The following CSMD3 variants were observed in gnomAD, a reference collection of about 807,000 sequenced individuals.
CSMD3 encodes the protein CUB and Sushi multiple domains 3, also known as CUB and sushi domain-containing protein 3.
CSMD3 carries 177 observed loss-of-function variants against 435.2 expected under a neutral mutation model. The observed-to-expected ratio is 0.41, with a 90% CI of 0.36 to 0.46. CSMD3 has a LOEUF of 0.46. Among genes scored for constraint, CSMD3 ranks in the 20% least tolerant of loss-of-function variants. The probability of loss-of-function intolerance (pLI) is 0.34; values close to 1 mark genes in which losing one functional copy is unlikely to be tolerated. For missense variants in CSMD3, 4,265 were observed against 4,504.6 expected (o/e 0.95, Z 1.52); for synonymous variants, 1,656 against 1,520.5 (o/e 1.09, Z -2.07).
chr8:113,321,736 A>G (rs904804130), intron 1 of CSMD3, among the ~76,000 whole-genome samples: 2 of 152,192 alleles, frequency 1.3e-5, no homozygotes. Context: ...CACATTGAGG[A>G]AACTCAGAGA....
At chr8:113,137,367 A>G (rs117621899) in intron 4 of CSMD3, among the ~76,000 whole-genome samples, 1 of 151,830 alleles carries the variant, frequency 6.6e-6, no homozygotes, top group Non-Finnish European at 1.5e-5. Context: ...TATTGAATTT[A>G]TATGTTTATA....
intron 4 of CSMD3, among the ~76,000 whole-genome samples, chr8:113,164,387 G>A (rs977458060): frequency 1.3e-5 from 2 of 150,180 alleles, no homozygotes; most frequent in African/African-American, 4.9e-5. Context: ...AGCAGTAAAT[G>A]GAAATTGCCT....
intron 3 of CSMD3, among the ~76,000 whole-genome samples, chr8:113,181,869 G>A (rs764963425): frequency 3.3e-5 from 5 of 151,850 alleles, no homozygotes; most frequent in Non-Finnish European, 7.4e-5. Flanking sequence ...AATATGAATA[G>A]GCTCTCCTCT....
At chr8:112,438,723 T>C (rs1052103775) in intron 32 of CSMD3, among the ~76,000 whole-genome samples, 26 of 152,314 alleles carry the variant, frequency 1.7e-4, no homozygotes, top group South Asian at 1.4e-3. Context: ...AATCATGTTA[T>C]CCATCTAGAT....
chr8:112,306,835 G>A (rs1821463752), intron 50 of CSMD3, among the ~76,000 whole-genome samples: 1 of 151,994 alleles, frequency 6.6e-6, no homozygotes, highest in Admixed American at 6.6e-5. Flanking sequence ...TAGATGTCTT[G>A]ATTTTTATCT....
At chr8:112,551,344 A>G (rs1490503321) in intron 26 of CSMD3, among the ~76,000 whole-genome samples, 1 of 152,084 alleles carries the variant, frequency 6.6e-6, no homozygotes, top group Non-Finnish European at 1.5e-5. Flanking sequence ...CAAAAATTGA[A>G]CTCAAGTTTT....
intron 59 of CSMD3, among the ~76,000 whole-genome samples, chr8:112,278,382 T>C (rs1818293703): frequency 6.6e-6 from 1 of 152,192 alleles, no homozygotes; most frequent in Non-Finnish European, 1.5e-5. Flanking sequence ...GTCAGAAGTA[T>C]TGAAAATTGA....
At chr8:112,735,900 A>G (rs558654583) in intron 13 of CSMD3, among the ~76,000 whole-genome samples, 1 of 152,138 alleles carries the variant, frequency 6.6e-6, no homozygotes, top group African/African-American at 2.4e-5. Flanking sequence ...AGTTCAATGT[A>G]AATTCTCATT....
intron 5 of CSMD3, among the ~76,000 whole-genome samples, chr8:113,048,576 A>G (rs546210562): frequency 6.6e-6 from 1 of 152,160 alleles, no homozygotes; most frequent in Non-Finnish European, 1.5e-5. Flanking sequence ...ATTAAAAAAG[A>G]AAGATTACAT....
At position 113,308,258 on chromosome 8, in the gene CSMD3, C is replaced by CTTTTTTTTT. The variant is rs11440584; in HGVS notation, c.401+6304_401+6312dup. On this transcript the variant is annotated intron_variant, in intron 2 of 70. Coordinates refer to ENST00000297405, the MANE Select transcript of CSMD3 (RefSeq NM_198123.2). ...TAAATATCCAGTAAATCATTTAAGT[C>CTTTTTTTTT]TTTTTTTTTTTTTTTTTTTTTTTTT... Among the ~76,000 whole-genome samples the CTTTTTTTTT allele has an allele frequency of 5.7e-4, 37 of 64,966 alleles. 10 individuals are homozygous for CTTTTTTTTT. The highest frequency in any genetic ancestry group is 2.0e-3 in the East Asian group (4 of 1,976). The allele number at this position is 64,966 out of a possible 152,430, so 42.6% of individuals were successfully genotyped here. A position where few individuals can be genotyped will look rare whatever the true frequency, so the allele number is the denominator to read the frequency against.
At chr8:112,700,416 G>T (rs573254401) in intron 13 of CSMD3, among the ~76,000 whole-genome samples, 1 of 152,160 alleles carries the variant, frequency 6.6e-6, no homozygotes, top group East Asian at 1.9e-4. Context: ...CTGGAAAATC[G>T]CTTGAACCCA....
chr8:112,727,794 A>G (rs1484443747), intron 13 of CSMD3, among the ~76,000 whole-genome samples: 2 of 151,876 alleles, frequency 1.3e-5, no homozygotes, highest in Non-Finnish European at 2.9e-5. Flanking sequence ...ATGAAGTGGA[A>G]CAGTAAAATA....
chr8:112,772,993 C>A (rs1025063330), intron 13 of CSMD3, among the ~76,000 whole-genome samples: 1 of 151,878 alleles, frequency 6.6e-6, no homozygotes, highest in East Asian at 1.9e-4. Flanking sequence ...ACTCAGAGGC[C>A]GGTCCCAGCA....
chr8:113,159,458 G>T (rs1332894235), intron 4 of CSMD3, among the ~76,000 whole-genome samples: 1 of 151,812 alleles, frequency 6.6e-6, no homozygotes, highest in East Asian at 1.9e-4. Flanking sequence ...AAAATTCAGA[G>T]TTGGGCCATT....
At chr8:112,311,893 A>G (rs7830812) in intron 49 of CSMD3, among the ~76,000 whole-genome samples, 3,981 of 152,244 alleles carry the variant, frequency 0.026, 69 homozygotes, top group Non-Finnish European at 0.04. Context: ...AATAGTAAGA[A>G]ACAAATTGGA....
chr8:112,561,911 A>C (rs1262721724), intron 24 of CSMD3, among the ~76,000 whole-genome samples: 1 of 151,690 alleles, frequency 6.6e-6, no homozygotes, highest in African/African-American at 2.4e-5. Flanking sequence ...ACACACAAAC[A>C]CATTGTATTC....
At chr8:112,952,421 C>T (rs1399590012) in intron 8 of CSMD3, among the ~76,000 whole-genome samples, 1 of 151,328 alleles carries the variant, frequency 6.6e-6, no homozygotes, top group Non-Finnish European at 1.5e-5. Context: ...AGACGAATGT[C>T]AGATAAAAAC....
At position 112,710,700 on chromosome 8, in the gene CSMD3, T is replaced by C. The variant is rs1018644044; in HGVS notation, c.1973-20650A>G. On this transcript the variant is annotated intron_variant, in intron 13 of 70. Coordinates refer to ENST00000297405, the MANE Select transcript of CSMD3 (RefSeq NM_198123.2). ...GGCAAAGTCTAAAAAATCTCTTACT[T>C]CATGAGTATTTATACTTTATACACA... Among the ~76,000 whole-genome samples, 3 of 151,602 alleles carry C rather than the reference T, an allele frequency of 2.0e-5. No homozygotes were observed. The Admixed American group carries it at 2.0e-4, about 10-fold the overall frequency.
rs2131825369 is a variant in CSMD3 at position 112,690,026 on chromosome 8, T to C, written c.1997A>G (p.Asp666Gly). 6.2e-7 allele frequency: 1 copy of C among 1,613,216 alleles called. No individual in the cohort carries two copies. Among genetic ancestry groups the C allele is most frequent in the Non-Finnish European group, 8.5e-7 (1 of 1,179,420 alleles). Reference protein sequence around the residue: ...YKEIEKESCGDPGTPLYGIRE... With the variant: ...YKEIEKESCGGPGTPLYGIRE... ...AATTCCATATAAGGGTGTACCAGGA[T>C]CACCACAACTTTCTTTCTCAATTTC... The change falls in exon 14 of 71, where the codon GAT (aspartate) becomes GGT (glycine). Residue 666 changes from aspartate to glycine, a missense_variant. This residue lies in a region of CSMD3 where 279 missense variants were observed against 369.0 expected (regional missense o/e 0.76). Transcript: ENST00000297405.
Sources: gnomAD v4.1 joint callset for allele counts (sites outside exome capture counted in the v4.1 genomes callset) on GRCh38, gnomAD v4.1.1 for gene constraint, gnomAD v4.1.1 regional missense constraint, MANE v1.5 for transcripts, NCBI Gene and HGNC (gene_info 2026-07-23, HGNC 2026-07-21) for gene names.